The following DYNC2H1 variants were observed in gnomAD, a reference collection of about 807,000 sequenced individuals.
The protein encoded by DYNC2H1 is dynein cytoplasmic 2 heavy chain 1, also known as cytoplasmic dynein 2 heavy chain 1.
DYNC2H1 carries 410 observed loss-of-function variants against 570.0 expected under a neutral mutation model. The ratio of observed to expected loss-of-function variants is 0.72; its 90% confidence interval spans 0.66 to 0.78. The LOEUF is 0.78. Among genes scored for constraint, DYNC2H1 ranks in the 30% least tolerant of loss-of-function variants. The pLI is 0.00. For synonymous variants in DYNC2H1, 1,688 were observed against 1,677.6 expected, an observed-to-expected ratio of 1.01 and a Z score of -0.15; for missense variants, 4,865 against 5,046.4, an observed-to-expected ratio of 0.96 and a Z score of 1.09.
rs1319289799 is a variant in DYNC2H1 at position 103,324,007 on chromosome 11, A to G, written c.12039+17A>G. On this transcript the variant is annotated intron_variant, in intron 82 of 88. Transcript: ENST00000375735. This position sits in a 1 kb window ranked among gnomAD's most constrained non-coding sequence, Gnocchi z 5.2. Reference sequence around the variant, plus strand: ...AGTTCTCAGGTAACCTAAAAAAAAGATCTACCTTCAAAAAAAGTTGCTAGT... The same window carrying G: ...AGTTCTCAGGTAACCTAAAAAAAAGGTCTACCTTCAAAAAAAGTTGCTAGT... 1 of 1,568,650 alleles carries G rather than the reference A, an allele frequency of 6.4e-7. No individual in the cohort carries two copies.
intron 19 of DYNC2H1, among the ~76,000 whole-genome samples, chr11:103,148,172 A>G (rs926917692): frequency 2.6e-5 from 4 of 152,218 alleles, no homozygotes; most frequent in South Asian, 4.1e-4. Context: ...GTATTTTTCA[A>G]AATACCACAG....
At chr11:103,167,013 A>ATTC (rs1861342581) in intron 31 of DYNC2H1, among the ~76,000 whole-genome samples, 1 of 48,466 alleles carries the variant, frequency 2.1e-5, no homozygotes. Flanking sequence ...TTTTTTTTTG[A>ATTC]TTTTTCCTCT....
intron 3 of DYNC2H1, among the ~76,000 whole-genome samples, chr11:103,114,546 C>T (rs1215491561): frequency 6.6e-6 from 1 of 152,162 alleles, no homozygotes; most frequent in Non-Finnish European, 1.5e-5. Context: ...TGTCAAACTA[C>T]TGGCCTCAAG....
intron 24 of DYNC2H1, 117 bp downstream of exon 24, chr11:103,154,926 A>G: frequency 2.6e-6 from 2 of 766,528 alleles, no homozygotes; most frequent in Admixed American, 3.6e-5. Flanking sequence ...ATTCCGTTTG[A>G]TGAAGAAAAT....
chr11:103,459,633 T>C (rs1944932581), intron 87 of DYNC2H1, among the ~76,000 whole-genome samples: 1 of 152,054 alleles, frequency 6.6e-6, no homozygotes, highest in Non-Finnish European at 1.5e-5. Context: ...TTTGGCTCTA[T>C]AGACTGCCAT....
chr11:103,285,548 G>A (rs543791958), intron 73 of DYNC2H1, among the ~76,000 whole-genome samples: 9 of 149,334 alleles, frequency 6.0e-5, no homozygotes, highest in African/African-American at 2.0e-4. Context: ...TCAGCCTCCC[G>A]AGTAGCTGTG....
At chr11:103,333,917 C>T (rs888340024) in intron 82 of DYNC2H1, among the ~76,000 whole-genome samples, 35 of 152,040 alleles carry the variant, frequency 2.3e-4, no homozygotes, top group African/African-American at 8.2e-4. Context: ...TTCTTTTGTT[C>T]AGTAATATCA....
At chr11:103,140,169 A>C (rs374553424) in intron 17 of DYNC2H1, among the ~76,000 whole-genome samples, 1 of 152,094 alleles carries the variant, frequency 6.6e-6, no homozygotes, top group Non-Finnish European at 1.5e-5. Context: ...TCTTTATCCA[A>C]TTTGCCAGTC....
At chr11:103,125,783 C>G (rs145429505) in intron 12 of DYNC2H1, among the ~76,000 whole-genome samples, 1 of 152,312 alleles carries the variant, frequency 6.6e-6, no homozygotes, top group Non-Finnish European at 1.5e-5. Context: ...TTAATCATGA[C>G]CCAACTAAAC....
chr11:103,435,988 T>G lies in DYNC2H1; in HGVS notation c.12412T>G (p.Leu4138Val). ...CAAGTGGGAAGGCCCAGAAGATCCCTTACAATACCTGAGAGGTCTTGTTGC... is the reference window on the plus strand; with the variant it reads ...CAAGTGGGAAGGCCCAGAAGATCCCGTACAATACCTGAGAGGTCTTGTTGC... ...QSKWEGPEDPLQYLRGLVARA... is the reference protein window; with the variant it reads ...QSKWEGPEDPVQYLRGLVARA... Residue 4138 changes from leucine to valine, a missense_variant, in exon 85 of 89, where the codon TTA (leucine) becomes GTA (valine). By Grantham distance (32) the Leu-to-Val change is conservative. This residue lies in a region of DYNC2H1 where 2,401 missense variants were observed against 2,454.6 expected (regional missense o/e 0.98). Transcript: ENST00000375735. 6.2e-7 allele frequency: 1 copy of G among 1,612,692 alleles called. No homozygotes were observed. The highest frequency in any genetic ancestry group is 2.2e-5 in the East Asian group (1 of 44,852).
chr11:103,290,803 A>G (rs1025125440), intron 75 of DYNC2H1, among the ~76,000 whole-genome samples: 1 of 152,090 alleles, frequency 6.6e-6, no homozygotes, highest in Non-Finnish European at 1.5e-5. Context: ...TCAAGGGTTC[A>G]TAATATTCTG....
At chr11:103,389,443 A>G (rs1398569809) in intron 83 of DYNC2H1, among the ~76,000 whole-genome samples, 2 of 152,112 alleles carry the variant, frequency 1.3e-5, no homozygotes, top group African/African-American at 2.4e-5. Flanking sequence ...CTTTTCAAAA[A>G]ACCACCTCCT....
At chr11:103,421,335 G>A (rs1435772214) in intron 84 of DYNC2H1, among the ~76,000 whole-genome samples, 2 of 152,080 alleles carry the variant, frequency 1.3e-5, no homozygotes, top group Non-Finnish European at 2.9e-5. Flanking sequence ...CCTGAACTCA[G>A]CTAAGGATCA....
At chr11:103,117,407 A>G (rs1336078943) in intron 5 of DYNC2H1, among the ~76,000 whole-genome samples, 1 of 151,546 alleles carries the variant, frequency 6.6e-6, no homozygotes, top group Non-Finnish European at 1.5e-5. Context: ...GTGTAATGGT[A>G]TATTGAAAAT....
At chr11:103,441,065 A>G (rs1944251855) in intron 85 of DYNC2H1, among the ~76,000 whole-genome samples, 1 of 152,148 alleles carries the variant, frequency 6.6e-6, no homozygotes, top group African/African-American at 2.4e-5. Flanking sequence ...GAGTATCAAA[A>G]TCCTTACACA....
At chr11:103,336,441 C>T (rs1274834569) in intron 82 of DYNC2H1, among the ~76,000 whole-genome samples, 1 of 151,854 alleles carries the variant, frequency 6.6e-6, no homozygotes, top group East Asian at 1.9e-4. Flanking sequence ...TTTTATCCTA[C>T]CCTCCCTCCC....
Position 103,243,915 on chromosome 11 carries a change from G to A in DYNC2H1, c.9918+124G>A, listed in dbSNP as rs1035398624. On this transcript the variant is annotated intron_variant, in intron 64 of 88. Transcript: ENST00000375735. The surrounding 1 kb of genome is among the most constrained non-coding windows in gnomAD (Gnocchi z 4.8). Reference sequence around the variant, plus strand: ...TCCTACTGTATGGGACCTTGGGCGAGAGATATAACTCTTAGCTTCAGTTTT... The same window carrying A: ...TCCTACTGTATGGGACCTTGGGCGAAAGATATAACTCTTAGCTTCAGTTTT... 1.8e-6 allele frequency: 1 copy of A among 558,198 alleles called. No individual in the cohort carries two copies. Among genetic ancestry groups the A allele is most frequent in the Non-Finnish European group, 3.0e-6 (1 of 335,412 alleles). 34.6% of individuals were successfully genotyped at this position (558,198 alleles called of 1,614,324 possible).
At position 103,122,992 on chromosome 11, in the gene DYNC2H1, T is replaced by G; in HGVS notation, c.1653T>G (p.Ser551=). The G allele has an allele frequency of 6.6e-7, 1 of 1,519,660 alleles. No homozygotes were observed. The allele number at this position is 1,519,660 out of a possible 1,614,324, so 94.1% of individuals were successfully genotyped here. A position where few individuals can be genotyped will look rare whatever the true frequency, so the allele number is the denominator to read the frequency against. The stretch of plus-strand genomic sequence containing the variant: ...AATCAGGTTTATCTGATTCCAGATC[T>G]GGTTTGTGGTAAGTATAGATATATT... ...DIQSGLSDSR[S]GLCIEASSRI... is the part of the protein sequence containing the mutation. The change falls in exon 11 of 89, where the codon TCT becomes TCG. Residue 551 remains serine (S), a synonymous_variant. Coordinates refer to ENST00000375735, the MANE Select transcript of DYNC2H1 (RefSeq NM_001377.3).
intron 20 of DYNC2H1, among the ~76,000 whole-genome samples, chr11:103,150,371 A>G (rs1860476625): frequency 6.6e-6 from 1 of 152,142 alleles, no homozygotes; most frequent in South Asian, 2.1e-4. Flanking sequence ...GGAAGCTTGT[A>G]TCATGTAGTG....
Sources: allele counts gnomAD v4.1 joint callset (sites outside exome capture counted in the v4.1 genomes callset), GRCh38; gene constraint gnomAD v4.1.1; regional missense constraint gnomAD v4.1.1; non-coding constraint Gnocchi (gnomAD v3.1); transcripts MANE v1.5; gene names NCBI Gene and HGNC (gene_info 2026-07-23, HGNC 2026-07-21).